The following VAV3 variants were observed in gnomAD, a reference collection of about 807,000 sequenced individuals.
VAV3 encodes vav guanine nucleotide exchange factor 3.
In VAV3, 94 loss-of-function variants were observed where a neutral mutation model predicts 131.2. The observed-to-expected ratio is 0.72, with a 90% confidence interval of 0.61 to 0.85. The LOEUF is 0.85. Among genes scored for constraint, VAV3 ranks in the 40% least tolerant of loss-of-function variants. The pLI is 0.00. For synonymous variants in VAV3, 349 were observed against 342.0 expected (o/e 1.02, Z -0.22); for missense variants, 939 against 1,002.7 (o/e 0.94, Z 0.86).
chr1:107,959,630 C>G (rs148276832), intron 1 of VAV3, among the ~76,000 whole-genome samples: 1 of 152,148 alleles, frequency 6.6e-6, no homozygotes, highest in Non-Finnish European at 1.5e-5. Flanking sequence ...TCTCTGCCCT[C>G]GAGAACAGGC....
rs371284909 is a variant in VAV3 at position 107,658,158 on chromosome 1, T to C, written c.1778-15403A>G. On this transcript the variant is annotated intron_variant, in intron 19 of 26. Transcript: ENST00000370056. ...GTGAAACACACAATAATACAATATA[T>C]AGCTAAAGAATAACAGGCCTATGAG... Among the ~76,000 whole-genome samples the C allele has an allele frequency of 6.6e-5, 10 of 152,138 alleles. No individual in the cohort carries two copies. In the East Asian group the frequency reaches 7.7e-4, roughly 12 times the overall value.
At chr1:107,616,910 C>T (rs1011798508) in intron 21 of VAV3, among the ~76,000 whole-genome samples, 11 of 152,200 alleles carry the variant, frequency 7.2e-5, no homozygotes, top group East Asian at 5.8e-4. Flanking sequence ...GTGTGGAAAA[C>T]GTCACCCATA....
At chr1:107,643,093 C>A (rs1390100005) in intron 19 of VAV3, among the ~76,000 whole-genome samples, 1 of 152,140 alleles carries the variant, frequency 6.6e-6, no homozygotes, top group Admixed American at 6.6e-5. Flanking sequence ...TCAATTTTTT[C>A]ATCAACTCTA....
chr1:107,921,180 T>G (rs1246195274), intron 1 of VAV3, among the ~76,000 whole-genome samples: 1 of 152,212 alleles, frequency 6.6e-6, no homozygotes, highest in Non-Finnish European at 1.5e-5. Context: ...ATCCGCTCTC[T>G]CATCGCTTGC....
At chr1:107,880,314 C>T (rs1029727442) in intron 1 of VAV3, among the ~76,000 whole-genome samples, 1 of 152,152 alleles carries the variant, frequency 6.6e-6, no homozygotes, top group Non-Finnish European at 1.5e-5. Flanking sequence ...TGAGAGGATG[C>T]TCCAGTCAAA....
intron 15 of VAV3, among the ~76,000 whole-genome samples, chr1:107,731,864 A>G (rs778805874): frequency 7.9e-5 from 12 of 152,238 alleles, no homozygotes; most frequent in Non-Finnish European, 1.3e-4. Context: ...GACCATTATG[A>G]AAAGGTATTC....
intron 2 of VAV3, among the ~76,000 whole-genome samples, chr1:107,868,328 G>T (rs1670098196): frequency 6.6e-6 from 1 of 152,136 alleles, no homozygotes; most frequent in Non-Finnish European, 1.5e-5. Flanking sequence ...ATGTTTTCAG[G>T]TGTTGATTAA....
intron 1 of VAV3, among the ~76,000 whole-genome samples, chr1:107,909,465 A>G (rs1672263533): frequency 6.6e-6 from 1 of 152,204 alleles, no homozygotes; most frequent in Admixed American, 6.5e-5. Context: ...AAATGGTCAC[A>G]ATTTTTCCCG....
intron 1 of VAV3, among the ~76,000 whole-genome samples, chr1:107,919,081 A>G (rs1219389277): frequency 2.0e-5 from 3 of 152,204 alleles, no homozygotes; most frequent in African/African-American, 4.8e-5. Context: ...TAAATTAGTC[A>G]TTGGTTATAA....
intron 19 of VAV3, among the ~76,000 whole-genome samples, chr1:107,675,422 A>T (rs945311634): frequency 1.3e-5 from 2 of 152,218 alleles, no homozygotes; most frequent in African/African-American, 4.8e-5. Flanking sequence ...GTAGAGAGGC[A>T]GGACACAAAT....
intron 19 of VAV3, among the ~76,000 whole-genome samples, chr1:107,647,788 T>C (rs984946473): frequency 2.0e-5 from 3 of 151,966 alleles, no homozygotes; most frequent in African/African-American, 7.2e-5. Flanking sequence ...TACAGTGAAA[T>C]AAGTGCTGCC....
chr1:107,631,463 C>A (rs1295415414), intron 20 of VAV3, among the ~76,000 whole-genome samples: 1 of 133,020 alleles, frequency 7.5e-6, no homozygotes, highest in African/African-American at 2.7e-5. Flanking sequence ...AGTATACTTT[C>A]TCTTTTTTAA....
At chr1:107,721,505 G>A (rs1425560397) in intron 15 of VAV3, among the ~76,000 whole-genome samples, 2 of 152,158 alleles carry the variant, frequency 1.3e-5, no homozygotes, top group Non-Finnish European at 2.9e-5. Context: ...AGGGCCACAA[G>A]GCTGGATACA....
chr1:107,860,718 G>C (rs189294848), intron 2 of VAV3, among the ~76,000 whole-genome samples: 4 of 151,666 alleles, frequency 2.6e-5, no homozygotes, highest in Admixed American at 1.3e-4. Flanking sequence ...AAGAACTGAG[G>C]AGACGACGTT....
chr1:107,726,327 T>C (rs1019689215), intron 15 of VAV3, among the ~76,000 whole-genome samples: 1 of 152,202 alleles, frequency 6.6e-6, no homozygotes, highest in Non-Finnish European at 1.5e-5. Flanking sequence ...GGTTTGATCC[T>C]CACACAAGCT....
intron 1 of VAV3, among the ~76,000 whole-genome samples, chr1:107,896,949 C>T (rs1671611886): frequency 1.3e-5 from 2 of 152,064 alleles, no homozygotes; most frequent in African/African-American, 4.8e-5. Context: ...GAAAATAAAT[C>T]TATTCTGTAC....
intron 15 of VAV3, among the ~76,000 whole-genome samples, chr1:107,737,228 G>A (rs1662703255): frequency 6.6e-6 from 1 of 152,182 alleles, no homozygotes; most frequent in African/African-American, 2.4e-5. Flanking sequence ...AAGCATAAAT[G>A]TTAGACCTAA....
At chr1:107,684,154 A>T (rs747721097) in intron 18 of VAV3, among the ~76,000 whole-genome samples, 9 of 152,272 alleles carry the variant, frequency 5.9e-5, no homozygotes, top group Non-Finnish European at 1.3e-4. Context: ...ACAACTTTGC[A>T]TTACAAAAAT....
intron 4 of VAV3, among the ~76,000 whole-genome samples, chr1:107,775,113 G>A (rs1239793403): frequency 2.0e-5 from 3 of 152,140 alleles, no homozygotes; most frequent in African/African-American, 7.2e-5. Context: ...CACAGAGCAA[G>A]GGCTGGCATC....
Sources: gnomAD v4.1 joint callset for allele counts (sites outside exome capture counted in the v4.1 genomes callset) on GRCh38, gnomAD v4.1.1 for gene constraint, MANE v1.5 for transcripts, NCBI Gene and HGNC (gene_info 2026-07-23, HGNC 2026-07-21) for gene names.